The following COL5A1 variants were observed in gnomAD, a reference collection of about 807,000 sequenced individuals.
The protein encoded by COL5A1 is collagen type V alpha 1 chain.
A neutral mutation model predicts 263.7 loss-of-function variants in COL5A1; 16 were observed. That is an observed-to-expected ratio of 0.06 (90% CI 0.04 to 0.09). The LOEUF (loss-of-function observed/expected upper bound fraction) is 0.09. Ranked by LOEUF, COL5A1 falls within the 10% of genes least tolerant of loss-of-function variation. COL5A1 has a pLI of 1.00. For synonymous variants in COL5A1, 1,012 were observed against 1,004.5 expected, an observed-to-expected ratio of 1.01 and a Z score of -0.14; for missense variants, 2,036 against 2,540.5, an observed-to-expected ratio of 0.80 and a Z score of 4.27.
intron 11 of COL5A1, among the ~76,000 whole-genome samples, chr9:134,748,381 AC>A (rs1424204733): frequency 2.0e-5 from 3 of 152,304 alleles, no homozygotes; most frequent in Non-Finnish European, 4.4e-5. Context: ...TTACATTCAC[AC>A]ATGCACACAC....
chr9:134,690,662 G>A (rs916709314), intron 1 of COL5A1, among the ~76,000 whole-genome samples: 1 of 152,136 alleles, frequency 6.6e-6, no homozygotes, highest in Non-Finnish European at 1.5e-5. Context: ...ACAGGGATGG[G>A]ACCCTCTGGG....
At position 134,718,017 on chromosome 9, in the gene COL5A1, C is replaced by T. The variant is rs554140043; in HGVS notation, c.655-9249C>T. Among the ~76,000 whole-genome samples, 815 of 151,642 alleles carry T rather than the reference C, an allele frequency of 5.4e-3. 2 individuals carry two copies. Among genetic ancestry groups the T allele is most frequent in the Non-Finnish European group, 7.7e-3 (523 of 67,850 alleles). Reference sequence around the variant, plus strand: ...AGAAGCAGCCTGGGCTGGGGGGCCGCGGCCACGGGAGCCTCTAATTTGGTG... The same window carrying T: ...AGAAGCAGCCTGGGCTGGGGGGCCGTGGCCACGGGAGCCTCTAATTTGGTG... On this transcript the variant is annotated intron_variant, in intron 4 of 65. Coordinates refer to ENST00000371817, the MANE Select transcript of COL5A1 (RefSeq NM_000093.5).
intron 11 of COL5A1, among the ~76,000 whole-genome samples, chr9:134,750,037 C>T (rs977413923): frequency 3.9e-5 from 6 of 152,168 alleles, no homozygotes; most frequent in Non-Finnish European, 7.4e-5. Context: ...TGTCCATCCA[C>T]GCAAGTGGCT....
intron 32 of COL5A1, among the ~76,000 whole-genome samples, chr9:134,790,979 T>A (rs1320058811): frequency 2.0e-5 from 3 of 152,146 alleles, no homozygotes; most frequent in South Asian, 4.1e-4. Flanking sequence ...GTGGAGCAAC[T>A]GGAGCCCTTG....
intron 7 of COL5A1, among the ~76,000 whole-genome samples, chr9:134,731,252 G>GGGTGTGCCAGCTCCAT (rs545404896): frequency 6.6e-6 from 1 of 152,180 alleles, no homozygotes; most frequent in Non-Finnish European, 1.5e-5. Flanking sequence ...GCGGGTGCAC[G>GGGTGTGCCAGCTCCAT]GGTGTGCCAG....
intron 64 of COL5A1, chr9:134,830,368 T>C (rs1839559808): frequency 1.6e-6 from 1 of 629,618 alleles, no homozygotes. Flanking sequence ...GACAAGAGTG[T>C]GTTTCTGCCT....
At chr9:134,733,789 G>C (rs1033910269) in intron 9 of COL5A1, among the ~76,000 whole-genome samples, 1 of 152,212 alleles carries the variant, frequency 6.6e-6, no homozygotes, top group Non-Finnish European at 1.5e-5. Flanking sequence ...TACATCCAAG[G>C]TCCCAGCCCC....
At chr9:134,726,177 C>A (rs146010397) in intron 4 of COL5A1, among the ~76,000 whole-genome samples, 1 of 152,236 alleles carries the variant, frequency 6.6e-6, no homozygotes, top group Non-Finnish European at 1.5e-5. Flanking sequence ...TTTCTCACAA[C>A]AGGCAAAAGC....
chr9:134,808,515 C>T (rs1037703516), intron 42 of COL5A1, among the ~76,000 whole-genome samples: 4 of 152,152 alleles, frequency 2.6e-5, no homozygotes, highest in Non-Finnish European at 4.4e-5. Flanking sequence ...ACATACATGT[C>T]AGTGTGCTTC....
At chr9:134,698,196 ACT>A (rs1347148945) in intron 2 of COL5A1, among the ~76,000 whole-genome samples, 1 of 152,208 alleles carries the variant, frequency 6.6e-6, no homozygotes, top group Non-Finnish European at 1.5e-5. Flanking sequence ...GGCCACACTG[ACT>A]GTCATCACCC....
chr9:134,731,097 C>G (rs1011979329), intron 7 of COL5A1, among the ~76,000 whole-genome samples: 1 of 152,226 alleles, frequency 6.6e-6, no homozygotes, highest in African/African-American at 2.4e-5. Flanking sequence ...ATGGCCGATG[C>G]TTAACATAGC....
chr9:134,751,909 G>C (rs1226412878), intron 13 of COL5A1, among the ~76,000 whole-genome samples: 1 of 152,224 alleles, frequency 6.6e-6, no homozygotes, highest in Non-Finnish European at 1.5e-5. Context: ...GGCCTGCCTG[G>C]CTGGCCTTTT....
In COL5A1 at chr9:134,809,093, C is replaced by T. The variant is rs545754847; in HGVS notation, c.3367-90C>T. The stretch of plus-strand genomic sequence containing the variant: ...CACCCTCACCAACTCCCACTTCCTG[C>T]CAGCGGATCCCTCTCTTGGGTAATG... On this transcript the variant is annotated intron_variant, in intron 42 of 65. Transcript: ENST00000371817. The T allele has an allele frequency of 2.0e-5, 23 of 1,141,430 alleles. No individual in the cohort carries two copies. The African/African-American group carries it at 3.5e-4, about 17-fold the overall frequency. 70.7% of individuals were successfully genotyped at this position (1,141,430 alleles called of 1,614,324 possible). A position where few individuals can be genotyped will look rare whatever the true frequency, so the allele number is the denominator to read the frequency against.
At chr9:134,809,516 C>T (rs1838433333) in intron 43 of COL5A1, among the ~76,000 whole-genome samples, 1 of 152,186 alleles carries the variant, frequency 6.6e-6, no homozygotes, top group African/African-American at 2.4e-5. Context: ...TTAGAAACCA[C>T]ACCCTCCTGT....
At chr9:134,779,765 T>C (rs573887273) in intron 27 of COL5A1, among the ~76,000 whole-genome samples, 16 of 152,290 alleles carry the variant, frequency 1.1e-4, no homozygotes, top group African/African-American at 3.6e-4. Flanking sequence ...TGGGGGTGTT[T>C]CTAGAAGATG....
intron 11 of COL5A1, among the ~76,000 whole-genome samples, chr9:134,744,071 C>A (rs1027690808): frequency 6.6e-6 from 1 of 152,174 alleles, no homozygotes; most frequent in Non-Finnish European, 1.5e-5. Flanking sequence ...AGTCCACTCA[C>A]GAGCACGCAG....
In COL5A1 at chr9:134,801,999, G is replaced by A. The variant is rs765082093; in HGVS notation, c.2998G>A (p.Gly1000Ser). The A allele has an allele frequency of 3.1e-6, 5 of 1,613,380 alleles. No homozygotes were observed. The highest frequency in any genetic ancestry group is 4.2e-6 in the Non-Finnish European group (5 of 1,180,014). Residue 1000 changes from glycine (G) to serine (S), a missense_variant, in exon 38 of 66, where the codon GGC becomes AGC. Gly to Ser is a moderately conservative substitution (Grantham distance 56, BLOSUM62 0). Transcript: ENST00000371817. ...CCCTCCAGGCCCCCCCGGCGTGGTCGGCCCTCAGGTAAGCTCCAGCCTTCC... is the reference window on the plus strand; with the variant it reads ...CCCTCCAGGCCCCCCCGGCGTGGTCAGCCCTCAGGTAAGCTCCAGCCTTCC... ...TGPPGPPGVV[G>S]PQGPTGETGP... is the part of the protein sequence containing the mutation.
chr9:134,774,964 T>G (rs767747793), intron 27 of COL5A1, 52 bp downstream of exon 27: 1 of 1,554,468 alleles, frequency 6.4e-7, no homozygotes, highest in Non-Finnish European at 8.8e-7. Context: ...GGGTTGGGAC[T>G]GTGGGCCTTG....
chr9:134,827,368 C>A (rs1027706316), intron 63 of COL5A1, among the ~76,000 whole-genome samples: 1 of 152,224 alleles, frequency 6.6e-6, no homozygotes, highest in Non-Finnish European at 1.5e-5. Flanking sequence ...TCCCCTCCCC[C>A]ACCTGAAGTT....
Sources: allele counts gnomAD v4.1 joint callset (sites outside exome capture counted in the v4.1 genomes callset), GRCh38; gene constraint gnomAD v4.1.1; transcripts MANE v1.5; gene names NCBI Gene and HGNC (gene_info 2026-07-23, HGNC 2026-07-21).